Variants in PKNOX2 observed in about 807,000 individuals in gnomAD.
The protein encoded by PKNOX2 is homeobox protein PKNOX2.
Under a neutral mutation model 53.1 loss-of-function variants are expected in PKNOX2, and 14 were observed. The observed-to-expected ratio is 0.26, with a 90% CI of 0.17 to 0.41. The LOEUF (loss-of-function observed/expected upper bound fraction) is 0.41. PKNOX2 is among the 10% of genes least tolerant of loss of function. PKNOX2 has a pLI of 1.00. For missense variants in PKNOX2, 496 were observed against 602.8 expected (o/e 0.82, Z 1.85); for synonymous variants, 257 against 242.8 (o/e 1.06, Z -0.54).
chr11:125,331,328 C>A (rs1304977515), intron 2 of PKNOX2, among the ~76,000 whole-genome samples: 1 of 152,156 alleles, frequency 6.6e-6, no homozygotes, highest in Non-Finnish European at 1.5e-5. Context: ...CCCTGGACAC[C>A]TCCCCACCCA....
At chr11:125,338,211 T>TACTCCCCACACTTCCCC (rs1437168799) in intron 3 of PKNOX2, among the ~76,000 whole-genome samples, 1 of 152,022 alleles carries the variant, frequency 6.6e-6, no homozygotes, top group African/African-American at 2.4e-5. Flanking sequence ...CCATCTTCCC[T>TACTCCCCACACTTCCCC]ACTCCCCACA....
At chr11:125,223,844 T>A (rs929215196) in intron 1 of PKNOX2, among the ~76,000 whole-genome samples, 2 of 152,228 alleles carry the variant, frequency 1.3e-5, no homozygotes, top group African/African-American at 2.4e-5. Flanking sequence ...ACATTGCAGC[T>A]GGGAGGCTGT....
At chr11:125,278,391 C>T (rs1234126244) in intron 2 of PKNOX2, among the ~76,000 whole-genome samples, 4 of 151,906 alleles carry the variant, frequency 2.6e-5, no homozygotes. Flanking sequence ...GTGAAGGAGC[C>T]AGTCAGAGAG....
intron 3 of PKNOX2, among the ~76,000 whole-genome samples, chr11:125,351,077 T>C (rs1213064710): frequency 6.6e-6 from 1 of 152,044 alleles, no homozygotes; most frequent in Non-Finnish European, 1.5e-5. Flanking sequence ...ATTTGAATAT[T>C]GTTTCTTTCA....
intron 1 of PKNOX2, among the ~76,000 whole-genome samples, chr11:125,234,130 C>T (rs1160361368): frequency 6.6e-6 from 1 of 152,202 alleles, no homozygotes; most frequent in Non-Finnish European, 1.5e-5. Context: ...TCCAGTCCGC[C>T]AAGATCCCAT....
intron 2 of PKNOX2, among the ~76,000 whole-genome samples, chr11:125,250,101 C>T (rs957084676): frequency 2.3e-5 from 3 of 132,782 alleles, no homozygotes; most frequent in Non-Finnish European, 4.7e-5. Context: ...ACAATTTAGA[C>T]ATGGGAGTCT....
At chr11:125,243,062 A>C (rs1294158668) in intron 2 of PKNOX2, among the ~76,000 whole-genome samples, 4 of 152,214 alleles carry the variant, frequency 2.6e-5, no homozygotes, top group Non-Finnish European at 5.9e-5. Flanking sequence ...TTGGTGGAGG[A>C]TTAAAAGAGA....
At chr11:125,178,634 GAAAGAAAGAAA>G (rs1565462410) in intron 1 of PKNOX2, among the ~76,000 whole-genome samples, 36 of 94,354 alleles carry the variant, frequency 3.8e-4, no homozygotes, top group African/African-American at 2.4e-3. Flanking sequence ...AAGAAAGAAA[GAAAGAAAGAAA>G]GAAGGAAGGA....
At chr11:125,364,395 A>G (rs900353592) in intron 4 of PKNOX2, among the ~76,000 whole-genome samples, 7 of 152,162 alleles carry the variant, frequency 4.6e-5, no homozygotes, top group Non-Finnish European at 1.0e-4. Flanking sequence ...CTCTTGGAAC[A>G]CTGGCAAGTG....
chr11:125,416,368 T>C (rs1456318426), intron 10 of PKNOX2, among the ~76,000 whole-genome samples: 2 of 150,964 alleles, frequency 1.3e-5, no homozygotes, highest in Admixed American at 1.3e-4. Flanking sequence ...AACTAATCTG[T>C]CCACGAGATC....
intron 2 of PKNOX2, among the ~76,000 whole-genome samples, chr11:125,300,585 G>A (rs1279463195): frequency 6.6e-6 from 1 of 152,132 alleles, no homozygotes; most frequent in Non-Finnish European, 1.5e-5. Flanking sequence ...AAGAGAGACA[G>A]AGAGACAGAG....
At chr11:125,314,631 G>T (rs1410356210) in intron 2 of PKNOX2, among the ~76,000 whole-genome samples, 1 of 152,112 alleles carries the variant, frequency 6.6e-6, no homozygotes, top group Non-Finnish European at 1.5e-5. Context: ...GCCCACAGCT[G>T]GGAGCAGAGG....
chr11:125,244,612 C>A (rs933247293), intron 2 of PKNOX2, among the ~76,000 whole-genome samples: 5 of 152,224 alleles, frequency 3.3e-5, no homozygotes, highest in Non-Finnish European at 7.4e-5. Flanking sequence ...GGCTGGGAGG[C>A]TTTTCATTAC....
rs913124361 is a variant in PKNOX2 at position 125,167,297 on chromosome 11, G to C, written c.-201+2521G>C. 2.6e-5 allele frequency among the ~76,000 whole-genome samples: 4 copies of C among 152,304 alleles called. No homozygotes were observed. In the East Asian group the frequency reaches 7.7e-4, roughly 29 times the overall value. ...CCCAGCCCCCTGCACCCCTGGCAGG[G>C]AGAGCCAGACAGCCCTTACAGGACA... On this transcript the variant is annotated intron_variant, in intron 1 of 12. Transcript: ENST00000298282.
chr11:125,313,311 T>C (rs1335822990), intron 2 of PKNOX2, among the ~76,000 whole-genome samples: 1 of 152,030 alleles, frequency 6.6e-6, no homozygotes, highest in Non-Finnish European at 1.5e-5. Context: ...CCTGGTGAGT[T>C]TGGGGAGGTT....
At chr11:125,296,845 AG>A (rs1433981550) in intron 2 of PKNOX2, among the ~76,000 whole-genome samples, 2 of 152,128 alleles carry the variant, frequency 1.3e-5, no homozygotes, top group African/African-American at 4.8e-5. Flanking sequence ...CATGTTAGCC[AG>A]GATGGTCTTG....
At chr11:125,172,960 A>G (rs1955437144) in intron 1 of PKNOX2, among the ~76,000 whole-genome samples, 1 of 152,180 alleles carries the variant, frequency 6.6e-6, no homozygotes, top group Admixed American at 6.5e-5. Context: ...CTTCTTCATA[A>G]AAAGCAGCAT....
At position 125,228,090 on chromosome 11, in the gene PKNOX2, TAAAA is replaced by T. The variant is rs1393077597; in HGVS notation, c.-200-6953_-200-6950del. Among the ~76,000 whole-genome samples, 6 of 152,264 alleles carry T rather than the reference TAAAA, an allele frequency of 3.9e-5. No individual in the cohort carries two copies. The East Asian group carries it at 1.2e-3, about 29-fold the overall frequency. ...TACTGCTCCTCTCCCCTCCTTTGCT[TAAAA>T]ATCAGTTAAACAAAAAAGATACAAT... is the stretch of plus-strand genomic sequence containing the variant. On this transcript the variant is annotated intron_variant, in intron 1 of 12. Coordinates refer to ENST00000298282, the MANE Select transcript of PKNOX2 (RefSeq NM_001382323.2).
At chr11:125,339,169 A>G (rs747342061) in intron 3 of PKNOX2, among the ~76,000 whole-genome samples, 14 of 152,150 alleles carry the variant, frequency 9.2e-5, no homozygotes, top group Non-Finnish European at 1.9e-4. Context: ...AGCCAGTGGG[A>G]GGTAGAACAC....
Sources: gnomAD v4.1 joint callset for allele counts (sites outside exome capture counted in the v4.1 genomes callset) on GRCh38, gnomAD v4.1.1 for gene constraint, MANE v1.5 for transcripts, NCBI Gene and HGNC (gene_info 2026-07-23, HGNC 2026-07-21) for gene names.